The following TTC13 variants were observed in gnomAD, a reference collection of about 807,000 sequenced individuals.
The protein encoded by TTC13 is tetratricopeptide repeat protein 13.
TTC13 carries 62 observed loss-of-function variants against 120.0 expected under a neutral mutation model. That is an observed-to-expected ratio of 0.52 (90% CI 0.42 to 0.64). TTC13 has a LOEUF of 0.64. Among genes scored for constraint, TTC13 ranks in the 30% least tolerant of loss-of-function variants. TTC13 has a pLI of 0.00. For synonymous variants in TTC13, 384 were observed against 393.5 expected, an observed-to-expected ratio of 0.98 and a Z score of 0.28; for missense variants, 824 against 1,050.2, an observed-to-expected ratio of 0.78 and a Z score of 2.98.
At chr1:230,919,896 C>T (rs916020623) in intron 17 of TTC13, among the ~76,000 whole-genome samples, 9 of 152,198 alleles carry the variant, frequency 5.9e-5, no homozygotes, top group Non-Finnish European at 1.3e-4. Flanking sequence ...CTGAGCCTCT[C>T]ATGGTCTTTT....
chr1:230,960,689 G>A (rs111938495), intron 2 of TTC13, among the ~76,000 whole-genome samples: 11 of 152,210 alleles, frequency 7.2e-5, no homozygotes, highest in South Asian at 4.2e-4. Context: ...ACTTGGACAC[G>A]GAAAGAACAA....
In TTC13 at chr1:230,912,683, A is replaced by G. The variant is rs959291089; in HGVS notation, c.2169T>C (p.Asp723=). 6.2e-7 allele frequency: 1 copy of G among 1,612,912 alleles called. No homozygotes were observed. The highest frequency in any genetic ancestry group is 1.7e-5 in the Admixed American group (1 of 59,924). The stretch of plus-strand genomic sequence containing the variant: ...TTGCTGTCAAATCTTTATAAAGTGC[A>G]TCTATTTCAGCATGATATAATTGTG... ...ERTQLYHAEI[D]ALYKDLTAKG... Residue 723 remains aspartate (D), a synonymous_variant, in exon 19 of 23, where the codon GAT becomes GAC. Transcript: ENST00000366661.
At chr1:230,951,979 A>C (rs1354706658) in intron 4 of TTC13, among the ~76,000 whole-genome samples, 1 of 152,222 alleles carries the variant, frequency 6.6e-6, no homozygotes, top group East Asian at 1.9e-4. Flanking sequence ...ACTCAAACAG[A>C]GACTGCGTGC....
At chr1:230,939,593 C>T in intron 7 of TTC13, 97 bp from the exon 8 acceptor site, 1 of 700,450 alleles carries the variant, frequency 1.4e-6, no homozygotes, top group Non-Finnish European at 2.4e-6. Context: ...AATCTCAATT[C>T]ATCCTCTGCC....
chr1:230,946,821 A>T (rs1395215498), intron 4 of TTC13, among the ~76,000 whole-genome samples: 1 of 152,176 alleles, frequency 6.6e-6, no homozygotes, highest in Non-Finnish European at 1.5e-5. Flanking sequence ...TTCTGGATTT[A>T]TGAATTATAT....
rs1326971017 is a variant in TTC13 at position 230,978,613 on chromosome 1, C to G, written c.218G>C (p.Gly73Ala). ...QQQEAPAGGG[G>A]CSPQSGDWGD... ...CCAGTCCCCGGACTGCGGGCTGCAGCCGCCGCCGCCCGCCGGGGCCTCCTG... is the reference window on the plus strand; with the variant it reads ...CCAGTCCCCGGACTGCGGGCTGCAGGCGCCGCCGCCCGCCGGGGCCTCCTG... The change falls in exon 1 of 23, where the codon GGC becomes GCC. Residue 73 changes from glycine to alanine, a missense_variant. Around this residue, in one of 4 missense-constraint regions of TTC13, gnomAD observed 160 missense variants for 137.2 expected, o/e 1.17. Transcript: ENST00000366661. This position sits in a 1 kb window ranked among gnomAD's most constrained non-coding sequence, Gnocchi z 5.6. The G allele has an allele frequency of 4.1e-6, 6 of 1,446,002 alleles. No homozygotes were observed. The highest frequency in any genetic ancestry group is 5.5e-6 in the Non-Finnish European group (6 of 1,099,038). The allele number at this position is 1,446,002 out of a possible 1,614,324, so 89.6% of individuals were successfully genotyped here. A position where few individuals can be genotyped will look rare whatever the true frequency, so the allele number is the denominator to read the frequency against.
At chr1:230,975,817 G>A (rs763292343) in intron 1 of TTC13, among the ~76,000 whole-genome samples, 6 of 152,186 alleles carry the variant, frequency 3.9e-5, no homozygotes, top group Non-Finnish European at 8.8e-5. Flanking sequence ...AGATCTGGGT[G>A]GGGCTCAGCC....
At chr1:230,907,834 G>T (rs552061067) in intron 22 of TTC13, among the ~76,000 whole-genome samples, 3 of 152,198 alleles carry the variant, frequency 2.0e-5, no homozygotes, top group Non-Finnish European at 2.9e-5. Flanking sequence ...AACTAAAGTT[G>T]AACAGTGAGG....
chr1:230,965,067 GC>G (rs1677002077), intron 1 of TTC13, among the ~76,000 whole-genome samples: 1 of 152,126 alleles, frequency 6.6e-6, no homozygotes, highest in Non-Finnish European at 1.5e-5. Flanking sequence ...ATTCATCTGG[GC>G]AAAGATCTCT....
chr1:230,951,584 G>A (rs1439460178), intron 4 of TTC13, among the ~76,000 whole-genome samples: 1 of 152,170 alleles, frequency 6.6e-6, no homozygotes, highest in East Asian at 1.9e-4. Context: ...ATTTAGCTCA[G>A]GTGCAACGTG....
At chr1:230,977,880 T>C (rs773577300) in intron 1 of TTC13, among the ~76,000 whole-genome samples, 4 of 152,218 alleles carry the variant, frequency 2.6e-5, no homozygotes, top group African/African-American at 4.8e-5. Flanking sequence ...TGAGCTGGCG[T>C]AGCTCCAATA....
At chr1:230,935,926 G>C (rs1016471949) in intron 8 of TTC13, among the ~76,000 whole-genome samples, 2 of 152,190 alleles carry the variant, frequency 1.3e-5, no homozygotes, top group Non-Finnish European at 2.9e-5. Context: ...GAGTTTGGTG[G>C]CTGCCTGGGT....
At chr1:230,920,482 T>C (rs769647076) in intron 17 of TTC13, 28 bp downstream of exon 17, 9 of 1,522,366 alleles carry the variant, frequency 5.9e-6, no homozygotes, top group Non-Finnish European at 8.2e-6. Flanking sequence ...TCTAAAAACA[T>C]GGACTGCCAT....
At chr1:230,956,628 C>T (rs1676109257) in intron 3 of TTC13, 1 of 332,924 alleles carries the variant, frequency 3.0e-6, no homozygotes, top group Admixed American at 4.4e-5. Flanking sequence ...AAATTTTGTA[C>T]TTTAGGAACA....
Position 230,961,189 on chromosome 1 carries a change from C to T in TTC13, c.366+20G>A. ...TGGGCTTCAGGTTACAAAAACAGAA[C>T]ACAGAGAGAAGATGCATACCAGAAT... On this transcript the variant is annotated intron_variant, in intron 2 of 22. Coordinates refer to ENST00000366661, the MANE Select transcript of TTC13 (RefSeq NM_024525.5). 7.5e-6 allele frequency: 12 copies of T among 1,599,690 alleles called. No individual in the cohort carries two copies. Among genetic ancestry groups the T allele is most frequent in the Non-Finnish European group, 9.4e-6 (11 of 1,168,724 alleles).
chr1:230,961,628 G>A (rs987874620), intron 1 of TTC13, among the ~76,000 whole-genome samples: 4 of 152,088 alleles, frequency 2.6e-5, no homozygotes, highest in African/African-American at 4.8e-5. Context: ...AATGTTTTAC[G>A]GTTTGCAAGT....
chr1:230,934,498 G>A (rs1167890022), intron 8 of TTC13, among the ~76,000 whole-genome samples: 3 of 152,308 alleles, frequency 2.0e-5, no homozygotes, highest in African/African-American at 7.2e-5. Context: ...TGCTAAGCAG[G>A]CACTATCCTT....
chr1:230,978,633 C>T lies in TTC13; in HGVS notation c.198G>A (p.Glu66=), dbSNP rs983599777. The T allele has an allele frequency of 3.4e-6, 5 of 1,472,174 alleles. No homozygotes were observed. The Admixed American group carries it at 1.2e-4, about 35-fold the overall frequency. 91.2% of individuals were successfully genotyped at this position (1,472,174 alleles called of 1,614,324 possible). A position where few individuals can be genotyped will look rare whatever the true frequency, so the allele number is the denominator to read the frequency against. The part of the protein sequence containing the change: ...KQELQHRQQQ[E]APAGGGGCSP... Reference sequence around the variant, plus strand: ...TGCAGCCGCCGCCGCCCGCCGGGGCCTCCTGCTGCTGCCGGTGCTGCAGCT... The same window carrying T: ...TGCAGCCGCCGCCGCCCGCCGGGGCTTCCTGCTGCTGCCGGTGCTGCAGCT... Residue 66 remains glutamate (E), a synonymous_variant, in exon 1 of 23, where the codon GAG becomes GAA. Coordinates refer to ENST00000366661, the MANE Select transcript of TTC13 (RefSeq NM_024525.5). This position sits in a 1 kb window ranked among gnomAD's most constrained non-coding sequence, Gnocchi z 5.6.
chr1:230,958,801 A>G (rs910727281), intron 2 of TTC13, among the ~76,000 whole-genome samples: 1 of 152,224 alleles, frequency 6.6e-6, no homozygotes, highest in Non-Finnish European at 1.5e-5. Context: ...AGATCAGCCT[A>G]GGCAACACAG....
Sources: allele counts gnomAD v4.1 joint callset (sites outside exome capture counted in the v4.1 genomes callset), GRCh38; gene constraint gnomAD v4.1.1; regional missense constraint gnomAD v4.1.1; non-coding constraint Gnocchi (gnomAD v3.1); transcripts MANE v1.5; gene names NCBI Gene and HGNC (gene_info 2026-07-23, HGNC 2026-07-21).